PIK3C2G: variants seen among roughly 807,000 people sequenced by gnomAD.
PIK3C2G encodes the protein phosphatidylinositol 3-kinase C2 domain-containing subunit gamma.
PIK3C2G carries 168 observed loss-of-function variants against 181.1 expected under a neutral mutation model. That is an observed-to-expected ratio of 0.93 (90% CI 0.82 to 1.05). PIK3C2G has a LOEUF of 1.05. PIK3C2G is among the 50% of genes least tolerant of loss of function. The probability of loss-of-function intolerance (pLI) is 0.00; values close to 1 mark genes in which losing one functional copy is unlikely to be tolerated. For synonymous variants in PIK3C2G, 573 were observed against 592.2 expected (o/e 0.97, Z 0.47); for missense variants, 1,869 against 1,732.8 (o/e 1.08, Z -1.40).
At chr12:18,341,637 T>C (rs1345174750) in intron 9 of PIK3C2G, among the ~76,000 whole-genome samples, 6 of 152,124 alleles carry the variant, frequency 3.9e-5, no homozygotes, top group Non-Finnish European at 7.4e-5. Context: ...TCTTTTTCCA[T>C]CCCATTTTAA....
At chr12:18,360,397 A>T (rs1941130434) in intron 11 of PIK3C2G, among the ~76,000 whole-genome samples, 1 of 152,170 alleles carries the variant, frequency 6.6e-6, no homozygotes, top group Non-Finnish European at 1.5e-5. Context: ...ACCAGAGTTA[A>T]AAGTAATTTA....
intron 24 of PIK3C2G, among the ~76,000 whole-genome samples, chr12:18,532,840 G>A (rs1943630338): frequency 6.6e-6 from 1 of 150,424 alleles, no homozygotes; most frequent in Non-Finnish European, 1.5e-5. Flanking sequence ...TGTCTTCCCT[G>A]ATATTTAACT....
the PIK3C2G span, among the ~76,000 whole-genome samples, chr12:18,658,562 A>C: frequency 2.0e-5 from 3 of 152,256 alleles, no homozygotes; most frequent in South Asian, 6.2e-4. Context: ...ATCAACCAAG[A>C]GATCTATATT....
At chr12:18,564,677 T>C (rs1945527909) in intron 28 of PIK3C2G, among the ~76,000 whole-genome samples, 1 of 152,038 alleles carries the variant, frequency 6.6e-6, no homozygotes, top group Non-Finnish European at 1.5e-5. Context: ...TGGCAACTTT[T>C]AGAAGGAACA....
At chr12:18,696,931 CACAA>C in the PIK3C2G span, among the ~76,000 whole-genome samples, 2 of 152,102 alleles carry the variant, frequency 1.3e-5, no homozygotes, top group South Asian at 4.1e-4. Context: ...GTAGTATACA[CACAA>C]ACAGGAACAA....
At chr12:18,394,403 A>T (rs1359527499) in intron 15 of PIK3C2G, among the ~76,000 whole-genome samples, 1 of 152,102 alleles carries the variant, frequency 6.6e-6, no homozygotes, top group Non-Finnish European at 1.5e-5. Context: ...AAACTATTGG[A>T]AAATGTCTAG....
At chr12:18,266,026 A>AC (rs1948478707) in intron 1 of PIK3C2G, among the ~76,000 whole-genome samples, 1 of 150,732 alleles carries the variant, frequency 6.6e-6, no homozygotes, top group Non-Finnish European at 1.5e-5. Context: ...AAAAAAAAAA[A>AC]AAAAAAAAAA....
chr12:18,588,111 TAA>T (rs1946887121), intron 29 of PIK3C2G, among the ~76,000 whole-genome samples: 2 of 152,144 alleles, frequency 1.3e-5, no homozygotes, highest in South Asian at 4.2e-4. Flanking sequence ...CAAGATGGTA[TAA>T]AGACTTACAT....
intron 30 of PIK3C2G, among the ~76,000 whole-genome samples, chr12:18,599,440 T>C (rs1038136099): frequency 2.0e-5 from 3 of 151,726 alleles, no homozygotes; most frequent in African/African-American, 2.4e-5. Context: ...TAGGTGGGAA[T>C]TGAACAATGA....
intron 24 of PIK3C2G, among the ~76,000 whole-genome samples, chr12:18,530,517 C>A (rs1387112371): frequency 1.3e-5 from 2 of 152,128 alleles, no homozygotes; most frequent in East Asian, 1.9e-4. Context: ...GATCTCCATT[C>A]CTTACCTCTT....
At chr12:18,442,302 A>G (rs1327911581) in intron 18 of PIK3C2G, among the ~76,000 whole-genome samples, 5 of 152,306 alleles carry the variant, frequency 3.3e-5, no homozygotes, top group African/African-American at 9.6e-5. Context: ...ACTGTAAAAT[A>G]TGCACTGGAC....
chr12:18,670,895 A>G, the PIK3C2G span, among the ~76,000 whole-genome samples: 31 of 152,158 alleles, frequency 2.0e-4, no homozygotes, highest in Admixed American at 2.0e-3. Context: ...AAACAAACAC[A>G]GTTTCGGCCG....
intron 28 of PIK3C2G, among the ~76,000 whole-genome samples, chr12:18,565,695 GACA>G: frequency 6.6e-6 from 1 of 152,222 alleles, no homozygotes; most frequent in South Asian, 2.1e-4. Context: ...TCAATTAAAT[GACA>G]GTATTATAGA....
At chr12:18,338,592 C>A in intron 9 of PIK3C2G, 44 bp downstream of exon 9, 2 of 1,360,868 alleles carry the variant, frequency 1.5e-6, no homozygotes, top group Non-Finnish European at 2.1e-6. Flanking sequence ...AACCTGAGTT[C>A]AATACTTAAT....
intron 18 of PIK3C2G, among the ~76,000 whole-genome samples, chr12:18,469,750 T>A (rs1938269354): frequency 6.7e-6 from 1 of 148,362 alleles, no homozygotes. Context: ...GATGAATGTA[T>A]GCTTAATTCA....
At chr12:18,441,635 G>A (rs1946752960) in intron 18 of PIK3C2G, among the ~76,000 whole-genome samples, 1 of 152,124 alleles carries the variant, frequency 6.6e-6, no homozygotes, top group African/African-American at 2.4e-5. Context: ...GTAGTTGCCT[G>A]TAGAGTGAAG....
At chr12:18,596,931 G>A (rs780984204) in intron 30 of PIK3C2G, among the ~76,000 whole-genome samples, 2 of 152,064 alleles carry the variant, frequency 1.3e-5, no homozygotes, top group Non-Finnish European at 2.9e-5. Context: ...TTTGTGTTAA[G>A]TTGTTTCTGA....
chr12:18,359,157 T>C (rs193128357), intron 11 of PIK3C2G, among the ~76,000 whole-genome samples: 180 of 152,326 alleles, frequency 1.2e-3, no homozygotes, highest in African/African-American at 4.2e-3. Flanking sequence ...TTCTGAGATG[T>C]TTTGTAATTG....
intron 15 of PIK3C2G, among the ~76,000 whole-genome samples, chr12:18,391,835 C>T (rs774339716): frequency 5.3e-5 from 8 of 151,440 alleles, no homozygotes; most frequent in Non-Finnish European, 1.0e-4. Flanking sequence ...GGGCATCAAA[C>T]TGAGAAAGTG....
Sources: gnomAD v4.1 joint callset for allele counts (sites outside exome capture counted in the v4.1 genomes callset) on GRCh38, gnomAD v4.1.1 for gene constraint, MANE v1.5 for transcripts, NCBI Gene and HGNC (gene_info 2026-07-23, HGNC 2026-07-21) for gene names.